The following IL1R1 variants were observed in gnomAD, a reference collection of about 807,000 sequenced individuals.
IL1R1 encodes interleukin-1 receptor type 1.
A neutral mutation model predicts 50.2 loss-of-function variants in IL1R1; 22 were observed. The observed-to-expected ratio is 0.44, with a 90% CI of 0.31 to 0.63. The LOEUF is 0.63. Among genes scored for constraint, IL1R1 ranks in the 20% least tolerant of loss-of-function variants. IL1R1 has a pLI of 0.07. For missense variants in IL1R1, 509 were observed against 676.2 expected, an observed-to-expected ratio of 0.75 and a Z score of 2.74; for synonymous variants, 251 against 236.7, an observed-to-expected ratio of 1.06 and a Z score of -0.55.
intron 1 of IL1R1, among the ~76,000 whole-genome samples, chr2:102,133,359 C>T (rs1423535494): frequency 6.6e-6 from 1 of 152,022 alleles, no homozygotes; most frequent in South Asian, 2.1e-4. Context: ...TCAAACTCTT[C>T]CAGAAAATTG....
intron 1 of IL1R1, among the ~76,000 whole-genome samples, chr2:102,119,152 G>A (rs1465324): frequency 0.18 from 26,825 of 152,066 alleles, 2,504 homozygotes; most frequent in South Asian, 0.2. Flanking sequence ...ATTTATGGGA[G>A]GGTAATGGCG....
At position 102,172,950 on chromosome 2, in the gene IL1R1, A is replaced by T. The variant is rs1015339980; in HGVS notation, c.991+112A>T. On this transcript the variant is annotated intron_variant, in intron 9 of 11. Coordinates refer to ENST00000410023, the MANE Select transcript of IL1R1 (RefSeq NM_000877.4). ...TTAGAACACGCTTCACTTCCTCATT[A>T]CTTGGGTAACTTCTATTTCTCTTTT... is the stretch of plus-strand genomic sequence containing the variant. 8.7e-6 allele frequency: 6 copies of T among 687,134 alleles called. No individual in the cohort carries two copies. In the African/African-American group the frequency reaches 9.0e-5, roughly 10 times the overall value. 42.6% of individuals were successfully genotyped at this position (687,134 alleles called of 1,614,324 possible).
chr2:102,151,259 T>C (rs1683626427), intron 1 of IL1R1, among the ~76,000 whole-genome samples: 1 of 152,196 alleles, frequency 6.6e-6, no homozygotes, highest in African/African-American at 2.4e-5. Flanking sequence ...TGTAGGATTC[T>C]ACCCTCTCTT....
upstream of IL1R1, among the ~76,000 whole-genome samples, chr2:102,102,263 A>G (rs1052358352): frequency 2.6e-5 from 4 of 152,110 alleles, no homozygotes; most frequent in Non-Finnish European, 5.9e-5. Context: ...AGTAGATAAG[A>G]CCTGTTGTCA....
chr2:102,139,147 T>A (rs1189709564), upstream of IL1R1, among the ~76,000 whole-genome samples: 2 of 152,162 alleles, frequency 1.3e-5, no homozygotes, highest in Non-Finnish European at 1.5e-5. Flanking sequence ...GGGGTTCTGG[T>A]CCATGAGTTA....
intron 3 of IL1R1, among the ~76,000 whole-genome samples, chr2:102,164,464 A>G (rs1163600183): frequency 2.6e-5 from 4 of 152,012 alleles, no homozygotes; most frequent in Non-Finnish European, 5.9e-5. Context: ...TCCAGTTTCT[A>G]TTACTCCATC....
intron 1 of IL1R1, among the ~76,000 whole-genome samples, chr2:102,133,665 A>G (rs1682171514): frequency 6.6e-6 from 1 of 152,268 alleles, no homozygotes; most frequent in Non-Finnish European, 1.5e-5. Context: ...AAAAACAATC[A>G]TATAATTGTC....
chr2:102,130,103 C>T (rs1203909652), intron 1 of IL1R1, among the ~76,000 whole-genome samples: 1 of 152,144 alleles, frequency 6.6e-6, no homozygotes, highest in Non-Finnish European at 1.5e-5. Context: ...CAGATAAGTT[C>T]TCATATCTGC....
rs3917240 is a variant in IL1R1, at chr2:102,157,093, A to G, written c.-6-626A>G. Reference sequence around the variant, plus strand: ...TTTTCCTTTCCTCTTTTTTTCATACAAAGTTCGTTGTAGATATTTTAGAAA... The same window carrying G: ...TTTTCCTTTCCTCTTTTTTTCATACGAAGTTCGTTGTAGATATTTTAGAAA... On this transcript the variant is annotated intron_variant, in intron 2 of 11. Coordinates refer to ENST00000410023, the MANE Select transcript of IL1R1 (RefSeq NM_000877.4). 3.3e-3 allele frequency among the ~76,000 whole-genome samples: 503 copies of G among 152,138 alleles called. 3 individuals are homozygous for G. The highest frequency in any genetic ancestry group is 0.012 in the African/African-American group (480 of 41,508).
chr2:102,149,859 C>T (rs1417380801), intron 1 of IL1R1, among the ~76,000 whole-genome samples: 1 of 152,144 alleles, frequency 6.6e-6, no homozygotes, highest in Non-Finnish European at 1.5e-5. Context: ...GGTGGGACTG[C>T]TCCGTGCAGG....
At chr2:102,143,765 C>G (rs1299998782) in intron 1 of IL1R1, among the ~76,000 whole-genome samples, 1 of 152,212 alleles carries the variant, frequency 6.6e-6, no homozygotes, top group Non-Finnish European at 1.5e-5. Context: ...GGAAGGAAGG[C>G]CGCTGGGAAG....
Position 102,082,305 on chromosome 2 carries a change from T to A in IL1R1, c.-84+11772T>A, listed in dbSNP as rs189349477. Among the ~76,000 whole-genome samples the A allele has an allele frequency of 1.9e-3, 284 of 152,228 alleles. 1 individual carries two copies. Among genetic ancestry groups the A allele is most frequent in the South Asian group, 9.1e-3 (44 of 4,816 alleles). ...TTAAATATTATTTCTGGAGATATAT[T>A]TGCCATGTGATCCATTTTGTTTGTT... On this transcript the variant is annotated intron_variant, in intron 1 of 11. Transcript: ENST00000409929.
chr2:102,176,511 C>A lies in IL1R1; in HGVS notation c.1462C>A (p.Leu488Ile). 6.2e-7 allele frequency: 1 copy of A among 1,614,188 alleles called. No individual in the cohort carries two copies. The highest frequency in any genetic ancestry group is 8.5e-7 in the Non-Finnish European group (1 of 1,180,038). ...TCAGGATGGAATTAAAGTTGTCCTG[C>A]TTGAGCTGGAGAAAATCCAAGACTA... ...LVQDGIKVVL[L>I]ELEKIQDYEK... The change falls in exon 12 of 12, where the codon CTT becomes ATT. Residue 488 changes from leucine to isoleucine, a missense_variant. Transcript: ENST00000410023.
chr2:102,129,989 A>G (rs6543106), intron 1 of IL1R1, among the ~76,000 whole-genome samples: 23,096 of 152,222 alleles, frequency 0.15, 1,948 homozygotes, highest in African/African-American at 0.21. Flanking sequence ...TCTCTTTTAT[A>G]AAAACAATTA....
intron 1 of IL1R1, among the ~76,000 whole-genome samples, chr2:102,111,262 G>C (rs1163680294): frequency 1.3e-5 from 2 of 152,270 alleles, no homozygotes; most frequent in East Asian, 3.9e-4. Flanking sequence ...AATAACACCA[G>C]GGAGGCATGG....
chr2:102,086,185 A>C (rs1283898794), intron 1 of IL1R1, among the ~76,000 whole-genome samples: 1 of 152,202 alleles, frequency 6.6e-6, no homozygotes, highest in Non-Finnish European at 1.5e-5. Flanking sequence ...TAATGGCATT[A>C]ATTTTTAAAG....
At chr2:102,111,288 C>T (rs1680746112) in intron 1 of IL1R1, among the ~76,000 whole-genome samples, 1 of 152,170 alleles carries the variant, frequency 6.6e-6, no homozygotes, top group Non-Finnish European at 1.5e-5. Flanking sequence ...TACACAAGCA[C>T]CTGTCAGACT....
intron 3 of IL1R1, among the ~76,000 whole-genome samples, chr2:102,163,482 G>GCAGTA (rs1480561336): frequency 6.6e-6 from 1 of 150,962 alleles, no homozygotes; most frequent in African/African-American, 2.4e-5. Flanking sequence ...TTTTTTTCCT[G>GCAGTA]CAGTATCAAA....
chr2:102,168,580 T>C lies in IL1R1; in HGVS notation c.656-18T>C, dbSNP rs1425531071. 3 of 1,606,922 alleles carry C rather than the reference T, an allele frequency of 1.9e-6. No individual in the cohort carries two copies. Among genetic ancestry groups the C allele is most frequent in the South Asian group, 1.1e-5 (1 of 90,920 alleles). ...ATCTATAAGAGACTGACAAACCTTA[T>C]GGATGTTTTTCTTTCAGAGGAAAAC... On this transcript the variant is annotated intron_variant, in intron 6 of 11. Coordinates refer to ENST00000410023, the MANE Select transcript of IL1R1 (RefSeq NM_000877.4).
Sources: allele counts gnomAD v4.1 joint callset (sites outside exome capture counted in the v4.1 genomes callset), GRCh38; gene constraint gnomAD v4.1.1; transcripts MANE v1.5; gene names NCBI Gene and HGNC (gene_info 2026-07-23, HGNC 2026-07-21).